BLK: variants seen among roughly 807,000 people sequenced by gnomAD.
BLK encodes the protein BLK proto-oncogene, Src family tyrosine kinase, also known as tyrosine-protein kinase Blk.
Under a neutral mutation model 61.8 loss-of-function variants are expected in BLK, and 64 were observed. That is an observed-to-expected ratio of 1.03 (90% confidence interval 0.85 to 1.27). The LOEUF is 1.27. Among genes scored for constraint, BLK ranks in the 50% most tolerant of loss-of-function variants. BLK has a pLI of 0.00. For synonymous variants in BLK, 351 were observed against 272.0 expected, an observed-to-expected ratio of 1.29 and a Z score of -2.86; for missense variants, 853 against 660.5, an observed-to-expected ratio of 1.29 and a Z score of -3.19.
intron 1 of BLK, among the ~76,000 whole-genome samples, chr8:11,542,833 A>G (rs1234192480): frequency 6.6e-6 from 1 of 152,162 alleles, no homozygotes. Flanking sequence ...CACTTTCCCA[A>G]GTGACACAGC....
chr8:11,534,696 A>C (rs1800037973), intron 1 of BLK, among the ~76,000 whole-genome samples: 1 of 152,180 alleles, frequency 6.6e-6, no homozygotes, highest in Admixed American at 6.5e-5. Flanking sequence ...TGGCCACATA[A>C]TTTCTCCTCC....
intron 1 of BLK, among the ~76,000 whole-genome samples, chr8:11,515,144 G>A (rs370827116): frequency 6.2e-4 from 95 of 152,332 alleles, no homozygotes; most frequent in African/African-American, 2.1e-3. Context: ...GCTGGTTGGT[G>A]CCAGGAGATG....
rs145013879 is a variant in BLK, at chr8:11,541,500, CTT to C, written c.-1-1711_-1-1710del. On this transcript the variant is annotated intron_variant, in intron 1 of 12. Coordinates refer to ENST00000259089, the MANE Select transcript of BLK (RefSeq NM_001715.3). ...CAATACAAACCCATCGTCTCTCTCTCTTTTTTTTTTTTTTCGAGATGGAGTCT... is the reference window on the plus strand; with the variant it reads ...CAATACAAACCCATCGTCTCTCTCTCTTTTTTTTTTTTCGAGATGGAGTCT... 1.3e-3 allele frequency among the ~76,000 whole-genome samples: 192 copies of C among 145,846 alleles called. 1 individual carries two copies. The highest frequency in any genetic ancestry group is 1.7e-3 in the Non-Finnish European group (110 of 66,532).
At chr8:11,555,827 G>A (rs1396202462) in intron 8 of BLK, 2 of 385,044 alleles carry the variant, frequency 5.2e-6, no homozygotes, top group Non-Finnish European at 1.0e-5. Flanking sequence ...GATGGAAACA[G>A]GAGGTTAAAC....
intron 4 of BLK, 79 bp downstream of exon 4, chr8:11,548,204 C>T (rs780533745): frequency 2.1e-5 from 26 of 1,254,518 alleles, no homozygotes; most frequent in Non-Finnish European, 2.8e-5. Flanking sequence ...CCACCACATC[C>T]TCCATGGCTG....
rs1178258982 is a variant in BLK, at chr8:11,555,497, A to G, written c.772+13A>G. The G allele has an allele frequency of 1.2e-6, 2 of 1,613,916 alleles. No homozygotes were observed. Among genetic ancestry groups the G allele is most frequent in the East Asian group, 4.5e-5 (2 of 44,886 alleles). On this transcript the variant is annotated intron_variant, in intron 8 of 12. Coordinates refer to ENST00000259089, the MANE Select transcript of BLK (RefSeq NM_001715.3). ...GAAGTCTGGATGGGTGAGTGTGTGC[A>G]CACGTGGGAGCATTTCTCCCCCCAT... is the stretch of plus-strand genomic sequence containing the variant.
intron 6 of BLK, among the ~76,000 whole-genome samples, chr8:11,551,581 A>T (rs111259411): frequency 6.6e-6 from 1 of 152,178 alleles, no homozygotes; most frequent in Non-Finnish European, 1.5e-5. Context: ...AGATTCATTC[A>T]TGTGGTTGAG....
intron 1 of BLK, among the ~76,000 whole-genome samples, chr8:11,495,594 C>G (rs1798334464): frequency 7.3e-6 from 1 of 137,506 alleles, no homozygotes; most frequent in Admixed American, 8.6e-5. Context: ...CAAATCCAAA[C>G]TGGGGAAGAT....
At position 11,543,278 on chromosome 8, in the gene BLK, G is replaced by T. The variant is rs763857385; in HGVS notation, c.54G>T (p.Lys18Asn). Residue 18 changes from lysine to asparagine, a missense_variant, in exon 2 of 13, where the codon AAG (lysine) becomes AAT (asparagine). Lys to Asn is a moderately conservative substitution (Grantham distance 94). Transcript: ENST00000259089. ...KPDKEKPIKE[K>N]DKGQWSPLKV... ...ACAAGGAAAAGCCGATCAAAGAGAAGGACAAGGGCCAATGGAGCCCCCTGA... is the reference window on the plus strand; with the variant it reads ...ACAAGGAAAAGCCGATCAAAGAGAATGACAAGGGCCAATGGAGCCCCCTGA... 4 of 1,613,942 alleles carry T rather than the reference G, an allele frequency of 2.5e-6. No homozygotes were observed. Among genetic ancestry groups the T allele is most frequent in the South Asian group, 1.1e-5 (1 of 91,088 alleles).
intron 1 of BLK, among the ~76,000 whole-genome samples, chr8:11,504,849 G>A (rs1218372527): frequency 6.6e-6 from 1 of 152,178 alleles, no homozygotes; most frequent in African/African-American, 2.4e-5. Flanking sequence ...TTGTTTCAAG[G>A]ATTTTACGAC....
chr8:11,503,516 G>A (rs1270687806), intron 1 of BLK, among the ~76,000 whole-genome samples: 2 of 152,162 alleles, frequency 1.3e-5, no homozygotes, highest in Non-Finnish European at 2.9e-5. Context: ...GCTCCATCCT[G>A]TGCCCAAGCC....
intron 1 of BLK, among the ~76,000 whole-genome samples, chr8:11,541,267 C>CA (rs1800366895): frequency 6.6e-6 from 1 of 151,950 alleles, no homozygotes; most frequent in Admixed American, 6.6e-5. Context: ...GACACTGTCT[C>CA]AAAACAAAAT....
intron 5 of BLK, 50 bp downstream of exon 5, chr8:11,549,172 T>C: frequency 3.3e-6 from 5 of 1,512,312 alleles, no homozygotes; most frequent in Non-Finnish European, 4.5e-6. Context: ...TCACTGTTTC[T>C]GCTCCCTGGG....
intron 1 of BLK, among the ~76,000 whole-genome samples, chr8:11,529,960 G>C (rs572576048): frequency 2.0e-5 from 3 of 152,194 alleles, no homozygotes; most frequent in Non-Finnish European, 2.9e-5. Flanking sequence ...AGAAGCTCAA[G>C]AACAATGGAT....
At chr8:11,558,899 C>T (rs773635809) in intron 10 of BLK, 51 of 456,124 alleles carry the variant, frequency 1.1e-4, no homozygotes, top group South Asian at 6.8e-4. Flanking sequence ...CCTCGCCCCT[C>T]GCCCAGCCTT....
intron 2 of BLK, among the ~76,000 whole-genome samples, chr8:11,543,707 G>C (rs962658756): frequency 3.9e-5 from 6 of 152,190 alleles, no homozygotes; most frequent in Non-Finnish European, 7.3e-5. Flanking sequence ...ATTGCTGCTG[G>C]CATTCCAAAG....
chr8:11,562,769 T>C (rs1410213815), intron 11 of BLK, among the ~76,000 whole-genome samples: 1 of 152,188 alleles, frequency 6.6e-6, no homozygotes, highest in Non-Finnish European at 1.5e-5. Context: ...CCATATCGTC[T>C]TTCTGTGCTG....
intron 1 of BLK, among the ~76,000 whole-genome samples, chr8:11,502,061 G>A (rs949595642): frequency 5.9e-5 from 9 of 152,126 alleles, no homozygotes; most frequent in Non-Finnish European, 1.0e-4. Flanking sequence ...CATGACTTGC[G>A]TGAACATGGG....
intron 1 of BLK, among the ~76,000 whole-genome samples, chr8:11,512,574 T>A (rs1799058127): frequency 6.6e-6 from 1 of 152,236 alleles, no homozygotes; most frequent in African/African-American, 2.4e-5. Context: ...AAAACATATT[T>A]CCACCCTCTA....
Sources: allele counts gnomAD v4.1 joint callset (sites outside exome capture counted in the v4.1 genomes callset), GRCh38; gene constraint gnomAD v4.1.1; transcripts MANE v1.5; gene names NCBI Gene and HGNC (gene_info 2026-07-23, HGNC 2026-07-21).